SPATA7: variants seen among roughly 807,000 people sequenced by gnomAD.
The protein encoded by SPATA7 is spermatogenesis associated 7.
In SPATA7, 43 loss-of-function variants were observed where a neutral mutation model predicts 51.8. The ratio of observed to expected loss-of-function variants is 0.83; its 90% CI spans 0.65 to 1.07. SPATA7 has a LOEUF of 1.07. SPATA7 is among the 50% of genes least tolerant of loss of function. SPATA7 has a pLI of 0.00. For missense variants in SPATA7, 683 were observed against 701.3 expected (o/e 0.97, Z 0.30); for synonymous variants, 230 against 252.8 (o/e 0.91, Z 0.86).
At chr14:88,444,472 G>A (rs902680374) in intron 3 of SPATA7, among the ~76,000 whole-genome samples, 2 of 151,198 alleles carry the variant, frequency 1.3e-5, no homozygotes, top group Non-Finnish European at 2.9e-5. Flanking sequence ...TTGCTGTGCA[G>A]AAGCTCTTTA....
intron 1 of SPATA7, chr14:88,386,088 A>G: frequency 7.3e-7 from 1 of 1,376,564 alleles, no homozygotes; most frequent in East Asian, 2.6e-5. Context: ...TGTCTCCTGA[A>G]CTCAGGGTCG....
At chr14:88,433,867 G>A (rs930638165) in intron 10 of SPATA7, among the ~76,000 whole-genome samples, 4 of 151,986 alleles carry the variant, frequency 2.6e-5, no homozygotes, top group African/African-American at 7.3e-5. Context: ...TCTACATCAA[G>A]TTTTTTAAAA....
chr14:88,398,596 A>T (rs573353034), intron 4 of SPATA7, among the ~76,000 whole-genome samples: 2 of 151,204 alleles, frequency 1.3e-5, no homozygotes, highest in Non-Finnish European at 3.0e-5. Context: ...AACCTGCACA[A>T]TGTGCACATG....
Position 88,469,177 on chromosome 14 carries a change from A to C in SPATA7, c.255-670A>C. ...TCTCCACTGATTAAGAGGACTGCAG[A>C]TAAAGAGCACTGGGTGCCAGTGAAC... On this transcript the variant is annotated intron_variant, in intron 4 of 4. Coordinates refer to the SPATA7 transcript ENST00000556406. This position sits in a 1 kb window ranked among gnomAD's most constrained non-coding sequence, Gnocchi z 4.3. The C allele has an allele frequency of 7.5e-7, 1 of 1,326,038 alleles. No homozygotes were observed. The highest frequency in any genetic ancestry group is 2.4e-5 in the Admixed American group (1 of 41,000). The allele number at this position is 1,326,038 out of a possible 1,614,324, so 82.1% of individuals were successfully genotyped here. A position where few individuals can be genotyped will look rare whatever the true frequency, so the allele number is the denominator to read the frequency against.
At chr14:88,389,227 C>G (rs1421538519) in intron 1 of SPATA7, among the ~76,000 whole-genome samples, 3 of 148,744 alleles carry the variant, frequency 2.0e-5, no homozygotes, top group African/African-American at 5.0e-5. Context: ...TTTTTCCTTT[C>G]TCTTTCTTTT....
chr14:88,420,978 G>A (rs2139977229), intron 5 of SPATA7, among the ~76,000 whole-genome samples: 1 of 152,142 alleles, frequency 6.6e-6, no homozygotes, highest in Non-Finnish European at 1.5e-5. Flanking sequence ...TTAGCCAGGA[G>A]TGGTGGTGCG....
Position 88,429,396 on chromosome 14 carries a change from C to T in SPATA7, c.961C>T (p.Pro321Ser), listed in dbSNP as rs754639100. 4.3e-6 allele frequency: 7 copies of T among 1,612,670 alleles called. No individual in the cohort carries two copies. The highest frequency in any genetic ancestry group is 1.1e-5 in the South Asian group (1 of 91,056). The change falls in exon 8 of 12, where the codon CCT (proline) becomes TCT (serine). Residue 321 changes from proline to serine, a missense_variant. Pro to Ser is a moderately conservative substitution (Grantham distance 74). Coordinates refer to ENST00000393545, the MANE Select transcript of SPATA7 (RefSeq NM_018418.5). ...TGCCAAAGAAAAAATAGCTCCTTTA[C>T]CTTTAGAAGGGCATGACTCAACATG... ...YDAKEKIAPL[P>S]LEGHDSTWDE... is the part of the protein sequence containing the mutation.
rs145515677 is a variant in SPATA7, at chr14:88,438,332, C to T, written c.1710C>T (p.Ser570=). Residue 570 remains serine, a synonymous_variant, in exon 12 of 12, where the codon TCC becomes TCT. Coordinates refer to ENST00000393545, the MANE Select transcript of SPATA7 (RefSeq NM_018418.5). ...NTSPSQSVQF[S]SVKGDNNHDM... is the part of the protein sequence containing the mutation. ...CACCCTCCCAATCTGTTCAGTTCTCCAGTGTCAAAGGCGACAATAATCATG... is the reference window on the plus strand; with the variant it reads ...CACCCTCCCAATCTGTTCAGTTCTCTAGTGTCAAAGGCGACAATAATCATG... 8.7e-6 allele frequency: 14 copies of T among 1,613,846 alleles called. No individual in the cohort carries two copies. The African/African-American group carries it at 1.7e-4, about 20-fold the overall frequency.
At chr14:88,458,122 G>A (rs530655154), downstream of SPATA7, among the ~76,000 whole-genome samples, 7 of 152,100 alleles carry the variant, frequency 4.6e-5, no homozygotes, top group Middle Eastern at 3.4e-3. Context: ...TGCTGGATTC[G>A]GTTTGCCAGT....
At chr14:88,437,445 C>T (rs560996372) in intron 10 of SPATA7, 98 bp from the exon 11 acceptor site, 11 of 875,640 alleles carry the variant, frequency 1.3e-5, no homozygotes, top group East Asian at 2.4e-5. Context: ...ATCTGAAAAA[C>T]ATTTTTCAAC....
chr14:88,438,269 G>T lies in SPATA7; in HGVS notation c.1647G>T (p.Lys549Asn). ...NVIEGDSDPE[K>N]VEISNGLCGL... ...TTGAAGGTGATAGTGACCCTGAAAA[G>T]GTTGAGATTTCAAATGGATTATGTG... The change falls in exon 12 of 12, where the codon AAG becomes AAT. Residue 549 changes from lysine (K) to asparagine (N), a missense_variant. By Grantham distance (94) the Lys-to-Asn change is moderately conservative. Transcript: ENST00000393545. 3 of 1,614,080 alleles carry T rather than the reference G, an allele frequency of 1.9e-6. No homozygotes were observed. Among genetic ancestry groups the T allele is most frequent in the Non-Finnish European group, 2.5e-6 (3 of 1,179,998 alleles).
intron 4 of SPATA7, among the ~76,000 whole-genome samples, chr14:88,399,147 T>G (rs1348180461): frequency 1.3e-5 from 2 of 152,202 alleles, no homozygotes; most frequent in Non-Finnish European, 2.9e-5. Context: ...AAATGCCTTT[T>G]GGGTGCAATC....
intron 5 of SPATA7, among the ~76,000 whole-genome samples, chr14:88,418,123 AG>A (rs1194018726): frequency 6.6e-6 from 1 of 151,856 alleles, no homozygotes; most frequent in Non-Finnish European, 1.5e-5. Context: ...TTCCTAAGGT[AG>A]TTTATTTGTG....
At chr14:88,432,682 A>T (rs34047636) in intron 9 of SPATA7, 5,397 of 153,492 alleles carry the variant, frequency 0.035, 150 homozygotes, top group Admixed American at 0.047. Context: ...TTCTTAGTTG[A>T]AGCTCCTGCT....
intron 4 of SPATA7, among the ~76,000 whole-genome samples, chr14:88,405,805 A>G (rs2076185184): frequency 6.6e-6 from 1 of 152,244 alleles, no homozygotes; most frequent in Non-Finnish European, 1.5e-5. Flanking sequence ...CTGGAATTCA[A>G]GAGACAATTT....
intron 4 of SPATA7, among the ~76,000 whole-genome samples, chr14:88,399,468 G>A (rs2075997070): frequency 6.6e-6 from 1 of 152,154 alleles, no homozygotes; most frequent in Admixed American, 6.5e-5. Flanking sequence ...GACCAGTTTG[G>A]TCGCTACATA....
At position 88,438,325 on chromosome 14, in the gene SPATA7, A is replaced by G; in HGVS notation, c.1703A>G (p.Gln568Arg). 3.1e-6 allele frequency: 5 copies of G among 1,614,062 alleles called. No individual in the cohort carries two copies. Among genetic ancestry groups the G allele is most frequent in the Non-Finnish European group, 4.2e-6 (5 of 1,179,968 alleles). ...GLNTSPSQSV[Q>R]FSSVKGDNNH... is the part of the protein sequence containing the mutation. ...AACACATCACCCTCCCAATCTGTTC[A>G]GTTCTCCAGTGTCAAAGGCGACAAT... Residue 568 changes from glutamine (Q) to arginine (R), a missense_variant, in exon 12 of 12, where the codon CAG (glutamine) becomes CGG (arginine). By Grantham distance (43) the Gln-to-Arg change is conservative (BLOSUM62 1). Coordinates refer to ENST00000393545, the MANE Select transcript of SPATA7 (RefSeq NM_018418.5).
At chr14:88,394,870 G>A (rs2075840121) in intron 3 of SPATA7, among the ~76,000 whole-genome samples, 1 of 152,030 alleles carries the variant, frequency 6.6e-6, no homozygotes, top group Admixed American at 6.6e-5. Flanking sequence ...GCATTTCCCT[G>A]ATTTCTAGTG....
chr14:88,433,272 C>G, intron 10 of SPATA7, 60 bp downstream of exon 10: 1 of 1,160,826 alleles, frequency 8.6e-7, no homozygotes, highest in Non-Finnish European at 1.3e-6. Flanking sequence ...CTTCATATTT[C>G]TTCATATGAT....
Sources: gnomAD v4.1 joint callset for allele counts (sites outside exome capture counted in the v4.1 genomes callset) on GRCh38, gnomAD v4.1.1 for gene constraint, Gnocchi (gnomAD v3.1) non-coding constraint, MANE v1.5 for transcripts, NCBI Gene and HGNC (gene_info 2026-07-23, HGNC 2026-07-21) for gene names.